The following SLC9A7 variants were observed in gnomAD, a reference collection of about 807,000 sequenced individuals.
SLC9A7 encodes the protein solute carrier family 9 member A7.
SLC9A7 carries 19 observed loss-of-function variants against 52.6 expected under a neutral mutation model. The observed-to-expected ratio is 0.36, with a 90% CI of 0.25 to 0.53. The LOEUF (loss-of-function observed/expected upper bound fraction) is 0.53, where lower values mean the gene tolerates loss of function less well. Among genes scored for constraint, SLC9A7 ranks in the 20% least tolerant of loss-of-function variants. The pLI, the probability that SLC9A7 is intolerant of heterozygous loss-of-function variation, is 0.91. For synonymous variants in SLC9A7, 226 were observed against 252.1 expected, an observed-to-expected ratio of 0.90 and a Z score of 0.98; for missense variants, 455 against 597.9, an observed-to-expected ratio of 0.76 and a Z score of 2.49.
At position 46,726,844 on chromosome X, in the gene SLC9A7, G is replaced by A. The variant is rs182873589; in HGVS notation, c.325+31861C>T. Among the ~76,000 whole-genome samples the A allele has an allele frequency of 3.4e-4, 38 of 111,174 alleles. No individual in the cohort carries two copies. The East Asian group carries it at 0.011, about 31-fold the overall frequency. On this transcript the variant is annotated intron_variant, in intron 1 of 16. Coordinates refer to ENST00000616978, the MANE Select transcript of SLC9A7 (RefSeq NM_001257291.2). Reference sequence around the variant, plus strand: ...TATGACTGCCACGGATGATAGGCAAGATGTTTGCGGATTTTGCTGATGAAA... The same window carrying A: ...TATGACTGCCACGGATGATAGGCAAAATGTTTGCGGATTTTGCTGATGAAA...
intron 14 of SLC9A7, among the ~76,000 whole-genome samples, chrX:46,624,466 A>G (rs1325790680): frequency 2.7e-5 from 3 of 112,514 alleles, no homozygotes; most frequent in African/African-American, 9.7e-5. Flanking sequence ...AGTGGTGTGA[A>G]TGTAGAGAAA....
intron 1 of SLC9A7, among the ~76,000 whole-genome samples, chrX:46,689,227 A>G (rs1352943802): frequency 1.8e-5 from 2 of 112,202 alleles, no homozygotes; most frequent in Non-Finnish European, 3.8e-5. Flanking sequence ...CCATTAATAC[A>G]GTTTTGTCTT....
At chrX:46,693,376 G>A (rs1481463046) in intron 1 of SLC9A7, among the ~76,000 whole-genome samples, 4 of 111,603 alleles carry the variant, frequency 3.6e-5, no homozygotes, top group Non-Finnish European at 7.5e-5. Context: ...AGTGGTATAA[G>A]GATAGACACA....
At chrX:46,743,743 C>A (rs1465580527) in intron 1 of SLC9A7, among the ~76,000 whole-genome samples, 1 of 111,492 alleles carries the variant, frequency 9.0e-6, no homozygotes, top group Non-Finnish European at 1.9e-5. Flanking sequence ...CCCAAAGTTC[C>A]CAAATATAAG....
intron 1 of SLC9A7, among the ~76,000 whole-genome samples, chrX:46,748,355 AAAAG>A (rs201977520): frequency 0.21 from 12,331 of 59,677 alleles, 1,267 homozygotes; most frequent in Non-Finnish European, 0.29. Flanking sequence ...AAAAAAAAAA[AAAAG>A]AAAGAAAGGA....
chrX:46,682,685 C>A, intron 1 of SLC9A7, 150 bp from the exon 2 acceptor site: 1 of 513,553 alleles, frequency 1.9e-6, no homozygotes, highest in Non-Finnish European at 3.2e-6. Context: ...ACTGCATGGG[C>A]CTTCAGGATT....
intron 7 of SLC9A7, among the ~76,000 whole-genome samples, chrX:46,661,596 G>C (rs1943824068): frequency 9.0e-6 from 1 of 110,595 alleles, no homozygotes. Flanking sequence ...CTTACGGAAG[G>C]CCACTAACTA....
chrX:46,665,562 A>AAAAAAAAAAAAAGAAAAG (rs1556125307), intron 5 of SLC9A7, among the ~76,000 whole-genome samples: 4 of 105,770 alleles, frequency 3.8e-5, no homozygotes, highest in African/African-American at 1.4e-4. Context: ...CATCTCAAAA[A>AAAAAAAAAAAAAGAAAAG]AAAAAAAAAA....
chrX:46,653,576 G>A, intron 8 of SLC9A7, 33 bp downstream of exon 8: 1 of 1,046,269 alleles, frequency 9.6e-7, no homozygotes, highest in Non-Finnish European at 1.3e-6. Context: ...CTACAGTGAG[G>A]GGAAGGGTGG....
At chrX:46,645,980 C>CT (rs756895656) in intron 11 of SLC9A7, among the ~76,000 whole-genome samples, 47 of 112,173 alleles carry the variant, frequency 4.2e-4, no homozygotes, top group Admixed American at 3.9e-3. Flanking sequence ...TATTTATATA[C>CT]TTTTTTTTGT....
chrX:46,748,230 C>G (rs1199490108), intron 1 of SLC9A7, among the ~76,000 whole-genome samples: 7 of 109,468 alleles, frequency 6.4e-5, no homozygotes, highest in South Asian at 4.0e-4. Flanking sequence ...CCTGTAATCC[C>G]AGCTACTTGG....
At chrX:46,738,089 AAG>A (rs1405733006) in intron 1 of SLC9A7, among the ~76,000 whole-genome samples, 1 of 67,775 alleles carries the variant, frequency 1.5e-5, no homozygotes, top group African/African-American at 4.0e-5. Flanking sequence ...GAAAGAAAGA[AAG>A]AAAGAAAGAA....
intron 12 of SLC9A7, among the ~76,000 whole-genome samples, chrX:46,636,964 A>G (rs1943331256): frequency 8.9e-6 from 1 of 112,208 alleles, no homozygotes; most frequent in Admixed American, 9.4e-5. Flanking sequence ...ACATCGAAAA[A>G]TTATAGCAAA....
At chrX:46,699,257 G>A (rs1384239862) in intron 1 of SLC9A7, among the ~76,000 whole-genome samples, 1 of 112,017 alleles carries the variant, frequency 8.9e-6, no homozygotes, top group Non-Finnish European at 1.9e-5. Context: ...AACTAGACAT[G>A]GAAAATGTAG....
chrX:46,756,101 C>T (rs1922648898), intron 1 of SLC9A7, among the ~76,000 whole-genome samples: 1 of 110,939 alleles, frequency 9.0e-6, no homozygotes, highest in African/African-American at 3.3e-5. Flanking sequence ...CATTTTAAAA[C>T]TTTTTCTCAA....
intron 1 of SLC9A7, among the ~76,000 whole-genome samples, chrX:46,724,282 T>C (rs1316590387): frequency 8.9e-6 from 1 of 111,749 alleles, no homozygotes; most frequent in African/African-American, 3.2e-5. Flanking sequence ...ATGATTTTAC[T>C]AATAAGGAAA....
At chrX:46,675,630 A>C (rs752291839) in intron 3 of SLC9A7, among the ~76,000 whole-genome samples, 10 of 112,006 alleles carry the variant, frequency 8.9e-5, no homozygotes, top group Admixed American at 2.8e-4. Flanking sequence ...CCCTCCTTTC[A>C]TCTGCTCCTT....
rs1207673403 is a variant in SLC9A7, at chrX:46,739,825, GT to G, written c.325+18879del. On this transcript the variant is annotated intron_variant, in intron 1 of 16. Coordinates refer to ENST00000616978, the MANE Select transcript of SLC9A7 (RefSeq NM_001257291.2). ...CCCACAATGGATAAAAATCACTACA[GT>G]ATCACCATCTTGTCTGTCTCTCTTC... Among the ~76,000 whole-genome samples the G allele has an allele frequency of 2.7e-5, 3 of 111,550 alleles. No individual in the cohort carries two copies. In the East Asian group the frequency reaches 8.4e-4, roughly 31 times the overall value.
At chrX:46,721,901 C>G (rs1051615085) in intron 1 of SLC9A7, among the ~76,000 whole-genome samples, 31 of 112,438 alleles carry the variant, frequency 2.8e-4, no homozygotes, top group African/African-American at 9.0e-4. Flanking sequence ...CAGCAAGATG[C>G]ATTTTTTTCC....
Sources: allele counts gnomAD v4.1 joint callset (sites outside exome capture counted in the v4.1 genomes callset), GRCh38; gene constraint gnomAD v4.1.1; transcripts MANE v1.5; gene names NCBI Gene and HGNC (gene_info 2026-07-23, HGNC 2026-07-21).